The following DESI1 variants were observed in gnomAD, a reference collection of about 807,000 sequenced individuals.
DESI1 encodes the protein PPPDE peptidase domain containing 2.
A neutral mutation model predicts 22.4 loss-of-function variants in DESI1; 17 were observed. The observed-to-expected ratio is 0.76, with a 90% CI of 0.52 to 1.14. DESI1 has a LOEUF of 1.14. DESI1 is among the 50% of genes most tolerant of loss of function. DESI1 has a pLI of 0.00. For missense variants in DESI1, 177 were observed against 208.9 expected (o/e 0.85, Z 0.94); for synonymous variants, 92 against 84.2 (o/e 1.09, Z -0.51).
intron 1 of DESI1, among the ~76,000 whole-genome samples, chr22:41,614,321 C>G (rs2067536615): frequency 6.6e-6 from 1 of 152,132 alleles, no homozygotes; most frequent in African/African-American, 2.4e-5. Context: ...CAGGGGTTAA[C>G]CACTGCACCC....
chr22:41,620,670 G>GCCCAA, intron 1 of DESI1, 82 bp downstream of exon 1: 1 of 1,366,006 alleles, frequency 7.3e-7, no homozygotes, highest in Non-Finnish European at 1.0e-6. Context: ...GTGAGTCGTG[G>GCCCAA]CCCAAGTCTC....
chr22:41,612,359 A>G (rs7291915), intron 1 of DESI1, among the ~76,000 whole-genome samples: 10,989 of 151,974 alleles, frequency 0.072, 956 homozygotes, highest in African/African-American at 0.2. Context: ...AAGTACAAAA[A>G]TTAGCCAGGC....
chr22:41,610,983 A>T (rs1293633553), intron 1 of DESI1, among the ~76,000 whole-genome samples: 1 of 152,150 alleles, frequency 6.6e-6, no homozygotes, highest in Non-Finnish European at 1.5e-5. Flanking sequence ...AACTGAGGTG[A>T]AATTTCACAG....
chr22:41,599,295 T>G lies in DESI1; in HGVS notation c.*1802A>C, dbSNP rs1307915150. 5 of 152,206 alleles carry G rather than the reference T, an allele frequency of 3.3e-5. No homozygotes were observed. Among genetic ancestry groups the G allele is most frequent in the Non-Finnish European group, 7.3e-5 (5 of 68,038 alleles). 9.4% of individuals were successfully genotyped at this position (152,206 alleles called of 1,614,324 possible). A position where few individuals can be genotyped will look rare whatever the true frequency, so the allele number is the denominator to read the frequency against. On this transcript the variant is annotated 3_prime_UTR_variant, in exon 6 of 6. Transcript: ENST00000263256. Reference sequence around the variant, plus strand: ...CTGGCAGCTCTGAGTCCCTTCTTCATGCTCACTTTCCCAAAATCTAACTAA... The same window carrying G: ...CTGGCAGCTCTGAGTCCCTTCTTCAGGCTCACTTTCCCAAAATCTAACTAA...
At chr22:41,611,842 C>T (rs1407631658) in intron 1 of DESI1, among the ~76,000 whole-genome samples, 7 of 152,214 alleles carry the variant, frequency 4.6e-5, no homozygotes, top group African/African-American at 1.4e-4. Flanking sequence ...CCGCCCGCCT[C>T]GGCCTCCCAA....
intron 1 of DESI1, 78 bp from the exon 2 acceptor site, chr22:41,607,939 C>T: frequency 6.5e-7 from 1 of 1,540,442 alleles, no homozygotes. Flanking sequence ...CATGACATCA[C>T]TCAAACCCAG....
At chr22:41,610,533 A>G (rs1449630297) in intron 1 of DESI1, among the ~76,000 whole-genome samples, 4 of 152,220 alleles carry the variant, frequency 2.6e-5, no homozygotes, top group Non-Finnish European at 5.9e-5. Context: ...GAATAACAAG[A>G]AAATGAAATG....
chr22:41,610,501 G>A (rs2067510452), intron 1 of DESI1, among the ~76,000 whole-genome samples: 1 of 152,120 alleles, frequency 6.6e-6, no homozygotes, highest in Admixed American at 6.6e-5. Context: ...ATTCTTTGCT[G>A]TTAGTGTTCC....
rs2067438758 is a variant in DESI1 at position 41,599,659 on chromosome 22, A to T, written c.*1438T>A. 6.6e-6 allele frequency: 1 copy of T among 152,002 alleles called. No individual in the cohort carries two copies. Among genetic ancestry groups the T allele is most frequent in the Admixed American group, 6.5e-5 (1 of 15,276 alleles). The allele number at this position is 152,002 out of a possible 1,614,324, so 9.4% of individuals were successfully genotyped here. A position where few individuals can be genotyped will look rare whatever the true frequency, so the allele number is the denominator to read the frequency against. Reference sequence around the variant, plus strand: ...ATCGCAATCTCTGCCTCCCGGGTTCAAGCGATTCTCCTGCCTCAGCCTCCC... The same window carrying T: ...ATCGCAATCTCTGCCTCCCGGGTTCTAGCGATTCTCCTGCCTCAGCCTCCC... On this transcript the variant is annotated 3_prime_UTR_variant, in exon 6 of 6. Transcript: ENST00000263256.
At chr22:41,617,232 C>T (rs1380953998) in intron 1 of DESI1, among the ~76,000 whole-genome samples, 1 of 152,202 alleles carries the variant, frequency 6.6e-6, no homozygotes, top group East Asian at 1.9e-4. Flanking sequence ...CCCAGCTCTA[C>T]CACCTAGTAG....
At position 41,598,877 on chromosome 22, in the gene DESI1, C is replaced by G; in HGVS notation, c.*2220G>C. 6.6e-6 allele frequency: 1 copy of G among 152,398 alleles called. No individual in the cohort carries two copies. Among genetic ancestry groups the G allele is most frequent in the East Asian group, 1.9e-4 (1 of 5,190 alleles). The allele number at this position is 152,398 out of a possible 1,614,324, so 9.4% of individuals were successfully genotyped here. A position where few individuals can be genotyped will look rare whatever the true frequency, so the allele number is the denominator to read the frequency against. ...CTGCTAGTAGATCACGATTATACAA[C>G]AGTCCCTGCTAGTTTCTGCTCTAAT... On this transcript the variant is annotated 3_prime_UTR_variant, in exon 6 of 6. Transcript: ENST00000263256.
chr22:41,620,507 A>G (rs2067580925), intron 1 of DESI1, among the ~76,000 whole-genome samples: 1 of 152,150 alleles, frequency 6.6e-6, no homozygotes, highest in African/African-American at 2.4e-5. Flanking sequence ...AGCCCCCTGC[A>G]AGGTGGAGGC....
At chr22:41,611,089 T>G (rs1167869312) in intron 1 of DESI1, among the ~76,000 whole-genome samples, 1 of 152,186 alleles carries the variant, frequency 6.6e-6, no homozygotes, top group Non-Finnish European at 1.5e-5. Flanking sequence ...TATAAGATAC[T>G]AAATCTCCTC....
intron 5 of DESI1, 67 bp from the exon 6 acceptor site, chr22:41,601,257 C>T: frequency 6.9e-7 from 1 of 1,457,074 alleles, no homozygotes; most frequent in Non-Finnish European, 9.2e-7. Flanking sequence ...ACACCCTGTG[C>T]TGCCCACGGG....
chr22:41,614,785 A>G (rs1188324177), intron 1 of DESI1, among the ~76,000 whole-genome samples: 2 of 150,630 alleles, frequency 1.3e-5, no homozygotes, highest in African/African-American at 2.4e-5. Context: ...GGGTTTCACT[A>G]TCTTGGCCAG....
At chr22:41,607,442 C>A in intron 2 of DESI1, 111 bp from the exon 3 acceptor site, 1 of 1,049,696 alleles carries the variant, frequency 9.5e-7, no homozygotes. Flanking sequence ...CTGTGGGGAC[C>A]AGTCTTATAA....
At chr22:41,601,408 T>C (rs1035201390) in intron 5 of DESI1, among the ~76,000 whole-genome samples, 13 of 152,226 alleles carry the variant, frequency 8.5e-5, no homozygotes, top group African/African-American at 3.1e-4. Flanking sequence ...GCCTGCTCTG[T>C]ATTTTTATTC....
intron 4 of DESI1, 80 bp downstream of exon 4, chr22:41,603,964 T>C: frequency 7.7e-7 from 1 of 1,298,680 alleles, no homozygotes; most frequent in Non-Finnish European, 1.1e-6. Flanking sequence ...AAGGATGATA[T>C]GACATGGCAG....
At chr22:41,610,325 G>A (rs534108186) in intron 1 of DESI1, among the ~76,000 whole-genome samples, 1 of 151,600 alleles carries the variant, frequency 6.6e-6, no homozygotes, top group East Asian at 2.0e-4. Flanking sequence ...GTTGCAGTGA[G>A]CCGAGATCGT....
Sources: gnomAD v4.1 joint callset for allele counts (sites outside exome capture counted in the v4.1 genomes callset) on GRCh38, gnomAD v4.1.1 for gene constraint, MANE v1.5 for transcripts, NCBI Gene and HGNC (gene_info 2026-07-23, HGNC 2026-07-21) for gene names.